The following KIF16B variants were observed in gnomAD, a reference collection of about 807,000 sequenced individuals.
KIF16B encodes kinesin-like protein KIF16B.
Under a neutral mutation model 156.3 loss-of-function variants are expected in KIF16B, and 98 were observed. The ratio of observed to expected loss-of-function variants is 0.63; its 90% CI spans 0.53 to 0.74. The LOEUF (loss-of-function observed/expected upper bound fraction) is 0.74. Among genes scored for constraint, KIF16B ranks in the 30% least tolerant of loss-of-function variants. KIF16B has a pLI of 0.00. For missense variants in KIF16B, 1,421 were observed against 1,606.5 expected (o/e 0.88, Z 1.97); for synonymous variants, 564 against 583.7 (o/e 0.97, Z 0.49).
intron 12 of KIF16B, among the ~76,000 whole-genome samples, chr20:16,452,180 G>A (rs1409416927): frequency 6.6e-6 from 1 of 152,050 alleles, no homozygotes; most frequent in Non-Finnish European, 1.5e-5. Context: ...GTGGAGAAGG[G>A]AGCAGTGAGA....
At position 16,378,986 on chromosome 20, in the gene KIF16B, C is replaced by T. The variant is rs772524742; in HGVS notation, c.3016G>A (p.Glu1006Lys). 1 of 1,614,076 alleles carries T rather than the reference C, an allele frequency of 6.2e-7. No homozygotes were observed. The highest frequency in any genetic ancestry group is 1.1e-5 in the South Asian group (1 of 91,054). The change falls in exon 19 of 26, where the codon GAG becomes AAG. Residue 1006 changes from glutamate to lysine, a missense_variant. By Grantham distance (56) the Glu-to-Lys change is moderately conservative. Transcript: ENST00000354981. ...SREKQQREAL[E>K]RALARLERRH... ...CTCTCCAGCCTGGCCAGGGCCCGCT[C>T]CAGCGCCTCTCTCTGCTGCTTCTCT... is the stretch of plus-strand genomic sequence containing the variant.
intron 17 of KIF16B, among the ~76,000 whole-genome samples, chr20:16,400,586 A>G (rs569112406): frequency 1.3e-5 from 2 of 152,376 alleles, no homozygotes; most frequent in Non-Finnish European, 2.9e-5. Flanking sequence ...ATTATTCACA[A>G]TAGCCAAAAG....
intron 17 of KIF16B, among the ~76,000 whole-genome samples, chr20:16,401,772 C>A (rs958672722): frequency 6.6e-6 from 1 of 152,150 alleles, no homozygotes; most frequent in African/African-American, 2.4e-5. Flanking sequence ...CTCTTAATTC[C>A]TTGATTCTAC....
At position 16,379,456 on chromosome 20, in the gene KIF16B, A is replaced by T; in HGVS notation, c.2546T>A (p.Ile849Asn). Residue 849 changes from isoleucine (I) to asparagine (N), a missense_variant, in exon 19 of 26, where the codon ATC becomes AAC. Physicochemically the swap from Ile to Asn is moderately radical, Grantham distance 149 (BLOSUM62 -3). Coordinates refer to ENST00000354981, the MANE Select transcript of KIF16B (RefSeq NM_024704.5). Reference protein sequence around the residue: ...LEKDLVQQKDILKKEVQEEQE... With the variant: ...LEKDLVQQKDNLKKEVQEEQE... ...TTCTTCTTGGACTTCTTTTTTCAGG[A>T]TGTCTTTCTGCTGAACCAGGTCCTT... The T allele has an allele frequency of 1.2e-6, 2 of 1,613,594 alleles. No homozygotes were observed. Among genetic ancestry groups the T allele is most frequent in the Non-Finnish European group, 1.7e-6 (2 of 1,179,908 alleles).
chr20:16,275,768 G>A (rs1401533325), intron 25 of KIF16B, among the ~76,000 whole-genome samples: 2 of 152,100 alleles, frequency 1.3e-5, no homozygotes, highest in Admixed American at 1.3e-4. Context: ...TTATCAGAGG[G>A]GCAAAGAGAG....
chr20:16,520,391 A>C (rs2069302766), intron 3 of KIF16B, among the ~76,000 whole-genome samples: 1 of 152,158 alleles, frequency 6.6e-6, no homozygotes, highest in Admixed American at 6.5e-5. Context: ...TTTTACCCTC[A>C]CAGTGTAAAC....
intron 23 of KIF16B, among the ~76,000 whole-genome samples, chr20:16,347,197 C>A (rs1247759642): frequency 1.3e-5 from 2 of 152,108 alleles, no homozygotes; most frequent in African/African-American, 4.8e-5. Context: ...CTTAAAAAGG[C>A]GTTATATTAT....
At chr20:16,513,659 TAAAAAA>T (rs10713040) in intron 4 of KIF16B, among the ~76,000 whole-genome samples, 1 of 112,720 alleles carries the variant, frequency 8.9e-6, no homozygotes. Flanking sequence ...AAACTACGTT[TAAAAAA>T]AAAAAAAAAA....
intron 14 of KIF16B, 43 bp downstream of exon 14, chr20:16,428,910 C>T: frequency 6.4e-7 from 1 of 1,560,988 alleles, no homozygotes; most frequent in Non-Finnish European, 8.8e-7. Context: ...TGAATACAAC[C>T]TTAAAAAATC....
chr20:16,426,562 G>T (rs2066358037), intron 15 of KIF16B, among the ~76,000 whole-genome samples: 1 of 152,172 alleles, frequency 6.6e-6, no homozygotes. Flanking sequence ...TCCTAATGTA[G>T]ATGTCAGTGT....
At chr20:16,448,484 T>A (rs1424812428) in intron 12 of KIF16B, among the ~76,000 whole-genome samples, 1 of 152,220 alleles carries the variant, frequency 6.6e-6, no homozygotes, top group East Asian at 1.9e-4. Flanking sequence ...TCACACAGAT[T>A]TCTAACAGTA....
At chr20:16,382,189 GA>G in intron 17 of KIF16B, 2 of 1,128,528 alleles carry the variant, frequency 1.8e-6, no homozygotes, top group South Asian at 2.7e-5. Flanking sequence ...ATCAATTAAG[GA>G]AAGCATTTAA....
At position 16,380,064 on chromosome 20, in the gene KIF16B, G is replaced by A. The variant is rs749576471; in HGVS notation, c.1938C>T (p.Ile646=). The A allele has an allele frequency of 7.7e-6, 12 of 1,555,800 alleles. No individual in the cohort carries two copies. The highest frequency in any genetic ancestry group is 6.9e-5 in the African/African-American group (5 of 72,456). ...EVETQRKETE[I]VQLQIRKQEE... ...CCTGCTTGCGAATCTGGAGCTGCAC[G>A]ATTTCTGTCTCCTTGCGCTGGGTCT... Residue 646 remains isoleucine, a synonymous_variant, in exon 19 of 26, where the codon ATC becomes ATT. Coordinates refer to ENST00000354981, the MANE Select transcript of KIF16B (RefSeq NM_024704.5).
chr20:16,436,391 C>T (rs571737668), intron 12 of KIF16B, among the ~76,000 whole-genome samples: 8 of 152,232 alleles, frequency 5.3e-5, no homozygotes, highest in Middle Eastern at 3.4e-3. Context: ...GGGAAGGGGT[C>T]CTCTTCCCAG....
intron 1 of KIF16B, among the ~76,000 whole-genome samples, chr20:16,541,182 C>A (rs1268446048): frequency 1.3e-5 from 2 of 152,220 alleles, no homozygotes; most frequent in Non-Finnish European, 2.9e-5. Context: ...GTGACTCCAA[C>A]CACTCCTCGC....
At chr20:16,390,819 G>A (rs2065345363) in intron 17 of KIF16B, among the ~76,000 whole-genome samples, 1 of 152,178 alleles carries the variant, frequency 6.6e-6, no homozygotes, top group Admixed American at 6.5e-5. Context: ...AACAAAACTT[G>A]TCCTGGCACC....
At chr20:16,290,915 G>C (rs945791619) in intron 25 of KIF16B, among the ~76,000 whole-genome samples, 2 of 151,974 alleles carry the variant, frequency 1.3e-5, no homozygotes. Context: ...TTTCATACAG[G>C]GAAATGCAAA....
chr20:16,319,327 T>C lies in KIF16B; in HGVS notation c.3712-6909A>G, dbSNP rs8123437. ...TAATACTAGGGGAAACTGAGTATGG[T>C]ATATAAGAACTCTGTACTATCTTCA... On this transcript the variant is annotated intron_variant, in intron 24 of 25. Coordinates refer to ENST00000354981, the MANE Select transcript of KIF16B (RefSeq NM_024704.5). Among the ~76,000 whole-genome samples, 686 of 152,334 alleles carry C rather than the reference T, an allele frequency of 4.5e-3. 10 individuals are homozygous for C. Among genetic ancestry groups the C allele is most frequent in the African/African-American group, 0.016 (649 of 41,572 alleles).
intron 15 of KIF16B, among the ~76,000 whole-genome samples, chr20:16,411,958 G>T (rs976510032): frequency 1.3e-4 from 19 of 151,436 alleles, no homozygotes; most frequent in Non-Finnish European, 1.9e-4. Flanking sequence ...GTGTGTGTGT[G>T]TGTGTGTGTG....
Sources: allele counts gnomAD v4.1 joint callset (sites outside exome capture counted in the v4.1 genomes callset), GRCh38; gene constraint gnomAD v4.1.1; transcripts MANE v1.5; gene names NCBI Gene and HGNC (gene_info 2026-07-23, HGNC 2026-07-21).